Variants in SEMA3A observed in about 807,000 individuals in gnomAD.
SEMA3A encodes semaphorin 3A.
Under a neutral mutation model 97.9 loss-of-function variants are expected in SEMA3A, and 29 were observed. The observed-to-expected ratio is 0.30, with a 90% CI of 0.22 to 0.40. The LOEUF is 0.40. Ranked by LOEUF, SEMA3A falls within the 10% of genes least tolerant of loss-of-function variation. SEMA3A has a pLI of 1.00. For synonymous variants in SEMA3A, 321 were observed against 323.7 expected, an observed-to-expected ratio of 0.99 and a Z score of 0.09; for missense variants, 763 against 951.3, an observed-to-expected ratio of 0.80 and a Z score of 2.60.
chr7:84,425,411 G>C (rs1189323305), intron 1 of SEMA3A, among the ~76,000 whole-genome samples: 1 of 123,930 alleles, frequency 8.1e-6, no homozygotes, highest in African/African-American at 3.0e-5. Flanking sequence ...ATAAATATAT[G>C]CCTATATTTA....
At chr7:84,289,771 A>G (rs1800696010) in intron 3 of SEMA3A, among the ~76,000 whole-genome samples, 1 of 152,138 alleles carries the variant, frequency 6.6e-6, no homozygotes, top group African/African-American at 2.4e-5. Context: ...CCACTTGTAG[A>G]TATGTACCAA....
intron 3 of SEMA3A, among the ~76,000 whole-genome samples, chr7:84,228,147 A>G (rs1324610674): frequency 1.3e-5 from 2 of 152,028 alleles, no homozygotes; most frequent in Non-Finnish European, 2.9e-5. Context: ...GCCAGAGTAC[A>G]ATGAGCTAGG....
chr7:84,429,287 A>G (rs1028038890), intron 1 of SEMA3A, among the ~76,000 whole-genome samples: 2 of 151,450 alleles, frequency 1.3e-5, no homozygotes, highest in Non-Finnish European at 2.9e-5. Context: ...TCTTACCTAT[A>G]CAGATACTTC....
rs1374517662 is a variant in SEMA3A at position 84,134,890 on chromosome 7, A to G, written c.174T>C (p.His58=). The G allele has an allele frequency of 1.2e-6, 2 of 1,613,804 alleles. No individual in the cohort carries two copies. The highest frequency in any genetic ancestry group is 2.2e-5 in the East Asian group (1 of 44,858). ...TCCGTTCCTCATCCAAAAGGAAGGTATGATAACTGGAGCTGTTGGCCAAGC... is the reference window on the plus strand; with the variant it reads ...TCCGTTCCTCATCCAAAAGGAAGGTGTGATAACTGGAGCTGTTGGCCAAGC... ...FNGLANSSSY[H]TFLLDEERSR... is the part of the protein sequence containing the mutation. The change falls in exon 2 of 17, where the codon CAT becomes CAC. Residue 58 remains histidine (H), a synonymous_variant. Transcript: ENST00000265362.
At chr7:84,092,017 T>C (rs1794617932) in intron 4 of SEMA3A, among the ~76,000 whole-genome samples, 1 of 152,202 alleles carries the variant, frequency 6.6e-6, no homozygotes, top group African/African-American at 2.4e-5. Flanking sequence ...CTAAGAATAC[T>C]CTATCAGTAT....
At chr7:84,005,302 T>TC in intron 11 of SEMA3A, 37 bp downstream of exon 11, 1 of 1,456,908 alleles carries the variant, frequency 6.9e-7, no homozygotes, top group Non-Finnish European at 9.6e-7. Context: ...AACATAGTGT[T>TC]CGGAAAAAAG....
At chr7:84,047,370 G>A (rs1792397876) in intron 5 of SEMA3A, among the ~76,000 whole-genome samples, 1 of 151,944 alleles carries the variant, frequency 6.6e-6, no homozygotes, top group Non-Finnish European at 1.5e-5. Context: ...ATCTCATTTA[G>A]TTCTATTAAC....
chr7:84,354,188 T>C (rs760728351), intron 2 of SEMA3A, among the ~76,000 whole-genome samples: 10 of 151,564 alleles, frequency 6.6e-5, no homozygotes, highest in Non-Finnish European at 1.3e-4. Flanking sequence ...TAAAAAGAAT[T>C]GACAATGTAT....
intron 1 of SEMA3A, among the ~76,000 whole-genome samples, chr7:84,468,763 T>C (rs1466072955): frequency 6.6e-6 from 1 of 152,142 alleles, no homozygotes; most frequent in Admixed American, 6.5e-5. Context: ...ATTTCCAGGT[T>C]TTCTAATAAA....
upstream of SEMA3A, among the ~76,000 whole-genome samples, chr7:84,197,328 TTTTA>T (rs1798255181): frequency 1.3e-5 from 2 of 152,192 alleles, no homozygotes; most frequent in Admixed American, 1.3e-4. Flanking sequence ...TCTGCAGATT[TTTTA>T]TTTAAGAAAT....
intron 4 of SEMA3A, among the ~76,000 whole-genome samples, chr7:84,067,675 CTCA>C (rs1216007134): frequency 1.3e-5 from 2 of 152,134 alleles, no homozygotes; most frequent in African/African-American, 2.4e-5. Context: ...TGAAAAAATG[CTCA>C]TCATCACTGG....
At chr7:84,241,886 T>C (rs923264440) in intron 3 of SEMA3A, among the ~76,000 whole-genome samples, 11 of 152,026 alleles carry the variant, frequency 7.2e-5, no homozygotes, top group Admixed American at 2.0e-4. Flanking sequence ...AAATAGAGAG[T>C]CTTTTCTCCA....
intron 2 of SEMA3A, among the ~76,000 whole-genome samples, chr7:84,328,668 C>G (rs995745992): frequency 6.6e-6 from 1 of 151,910 alleles, no homozygotes; most frequent in African/African-American, 2.4e-5. Flanking sequence ...ATTGTATTGA[C>G]TTTTATTCAT....
Position 84,344,085 on chromosome 7 carries a change from A to T in SEMA3A, c.-169+27739T>A, listed in dbSNP as rs905731506. On this transcript the variant is annotated intron_variant, in intron 2 of 3. Coordinates refer to the SEMA3A transcript ENST00000424555. Reference sequence around the variant, plus strand: ...AAAGAAGTAATCTGACTTTACAAAAAATACATTAATACTTATGCAAAATAT... The same window carrying T: ...AAAGAAGTAATCTGACTTTACAAAATATACATTAATACTTATGCAAAATAT... 6.6e-5 allele frequency among the ~76,000 whole-genome samples: 10 copies of T among 152,314 alleles called. No individual in the cohort carries two copies. In the East Asian group the frequency reaches 1.9e-3, roughly 29 times the overall value.
At chr7:84,474,493 A>C (rs1188337181) in intron 1 of SEMA3A, among the ~76,000 whole-genome samples, 1 of 152,066 alleles carries the variant, frequency 6.6e-6, no homozygotes, top group Non-Finnish European at 1.5e-5. Context: ...TGAAATACTT[A>C]ATGACTACTC....
intron 1 of SEMA3A, among the ~76,000 whole-genome samples, chr7:84,455,906 T>G (rs564066677): frequency 6.6e-6 from 1 of 152,096 alleles, no homozygotes; most frequent in East Asian, 1.9e-4. Context: ...CTTACCTACT[T>G]GGCAATAGGC....
chr7:84,256,975 C>A (rs984452453), intron 3 of SEMA3A, among the ~76,000 whole-genome samples: 1 of 151,098 alleles, frequency 6.6e-6, no homozygotes, highest in Non-Finnish European at 1.5e-5. Flanking sequence ...CTTTTTTTTT[C>A]TCTTTTGAGT....
At chr7:84,391,796 C>G (rs1471663508) in intron 1 of SEMA3A, among the ~76,000 whole-genome samples, 3 of 151,908 alleles carry the variant, frequency 2.0e-5, no homozygotes, top group African/African-American at 7.2e-5. Flanking sequence ...CATGGCAAAA[C>G]TGCCTTCTCT....
At chr7:84,239,868 T>A (rs1188903678) in intron 3 of SEMA3A, among the ~76,000 whole-genome samples, 1 of 152,058 alleles carries the variant, frequency 6.6e-6, no homozygotes, top group Non-Finnish European at 1.5e-5. Flanking sequence ...AATAAAGAGG[T>A]CATAAAAAAT....
Sources: allele counts gnomAD v4.1 joint callset (sites outside exome capture counted in the v4.1 genomes callset), GRCh38; gene constraint gnomAD v4.1.1; transcripts MANE v1.5; gene names NCBI Gene and HGNC (gene_info 2026-07-23, HGNC 2026-07-21).